The following LRP1B variants were observed in gnomAD, a reference collection of about 807,000 sequenced individuals.
LRP1B encodes the protein low-density lipoprotein receptor-related protein 1B.
In LRP1B, 217 loss-of-function variants were observed where a neutral mutation model predicts 556.6. The ratio of observed to expected loss-of-function variants is 0.39; its 90% CI spans 0.35 to 0.44. The LOEUF is 0.44. LRP1B is among the 20% of genes least tolerant of loss of function. The pLI is 1.00. For synonymous variants in LRP1B, 2,047 were observed against 1,865.8 expected (o/e 1.10, Z -2.50); for missense variants, 5,053 against 5,620.8 (o/e 0.90, Z 3.23).
intron 6 of LRP1B, among the ~76,000 whole-genome samples, chr2:141,200,793 G>C (rs1035510576): frequency 6.6e-6 from 1 of 152,086 alleles, no homozygotes; most frequent in African/African-American, 2.4e-5. Flanking sequence ...TCCTATATGT[G>C]TAATTCACTG....
In LRP1B at chr2:140,509,408, C is replaced by A. The variant is rs534724582; in HGVS notation, c.8398+520G>T. On this transcript the variant is annotated intron_variant, in intron 52 of 90. Transcript: ENST00000389484. ...GTAAATTGTCTGACCTCCGAAGGTG[C>A]TCCTCTGATCCCTCAGCTTCATTCG... 3.3e-5 allele frequency among the ~76,000 whole-genome samples: 5 copies of A among 152,242 alleles called. No individual in the cohort carries two copies. The South Asian group carries it at 1.0e-3, about 32-fold the overall frequency.
chr2:141,747,280 T>C (rs969502268), intron 2 of LRP1B, among the ~76,000 whole-genome samples: 4 of 152,204 alleles, frequency 2.6e-5, no homozygotes, highest in African/African-American at 9.6e-5. Flanking sequence ...TACACTGAAA[T>C]GTTAAAACCG....
chr2:141,484,552 G>A (rs1683048714), intron 2 of LRP1B, among the ~76,000 whole-genome samples: 2 of 152,048 alleles, frequency 1.3e-5, no homozygotes, highest in Admixed American at 6.6e-5. Context: ...ATTACCTTGG[G>A]CAGTATGGCC....
chr2:140,293,147 G>A (rs1008641667), intron 84 of LRP1B, among the ~76,000 whole-genome samples: 1 of 152,142 alleles, frequency 6.6e-6, no homozygotes, highest in Non-Finnish European at 1.5e-5. Flanking sequence ...AGAACAAGCA[G>A]GTTTTCACTT....
intron 27 of LRP1B, among the ~76,000 whole-genome samples, chr2:140,862,954 G>A (rs1392666414): frequency 6.6e-6 from 1 of 152,138 alleles, no homozygotes; most frequent in Non-Finnish European, 1.5e-5. Flanking sequence ...TGGTTCCTGG[G>A]CCTGTGAACT....
chr2:140,406,245 G>A (rs1046496473), intron 66 of LRP1B, among the ~76,000 whole-genome samples: 12 of 152,026 alleles, frequency 7.9e-5, no homozygotes, highest in African/African-American at 2.7e-4. Context: ...ATGTTGAATG[G>A]GGAAAAGTTG....
chr2:141,285,338 C>T (rs1173285563), intron 3 of LRP1B, among the ~76,000 whole-genome samples: 5 of 151,812 alleles, frequency 3.3e-5, no homozygotes, highest in Non-Finnish European at 5.9e-5. Context: ...CCACCCGCCT[C>T]GGCCTCCCAA....
intron 2 of LRP1B, among the ~76,000 whole-genome samples, chr2:141,713,898 T>G (rs369085006): frequency 2.0e-5 from 3 of 152,142 alleles, no homozygotes; most frequent in South Asian, 2.1e-4. Flanking sequence ...TTTCCCATCT[T>G]AGCATCATAA....
intron 84 of LRP1B, among the ~76,000 whole-genome samples, chr2:140,297,010 A>G (rs1409485749): frequency 6.6e-6 from 1 of 152,170 alleles, no homozygotes; most frequent in Non-Finnish European, 1.5e-5. Flanking sequence ...CTTGGCAGAC[A>G]GGAAAATAGT....
rs138437671 is a variant in LRP1B, at chr2:140,446,959, T to C, written c.10058-2280A>G. On this transcript the variant is annotated intron_variant, in intron 63 of 90. Transcript: ENST00000389484. ...GTTAAAATCCAAAATATATAAAGAA[T>C]ATTCAATAGTAAGAAAAAAAAACTC... Among the ~76,000 whole-genome samples, 288 of 146,412 alleles carry C rather than the reference T, an allele frequency of 2.0e-3. 2 individuals carry two copies. The highest frequency in any genetic ancestry group is 6.9e-3 in the Middle Eastern group (2 of 290).
intron 43 of LRP1B, among the ~76,000 whole-genome samples, chr2:140,555,815 T>A (rs555592500): frequency 6.6e-6 from 1 of 152,262 alleles, no homozygotes; most frequent in South Asian, 2.1e-4. Flanking sequence ...GAGAAATCTT[T>A]GTGTTCCAAT....
At position 140,789,618 on chromosome 2, in the gene LRP1B, C is replaced by CTT. The variant is rs756120273; in HGVS notation, c.5360-13382_5360-13381dup. ...GCCAAGCACGATCTAGCTTTAAGGA[C>CTT]TTTTTTTTTTTTTTTTTTTTTTTTT... On this transcript the variant is annotated intron_variant, in intron 32 of 90. Transcript: ENST00000389484. Among the ~76,000 whole-genome samples, 223 of 71,762 alleles carry CTT rather than the reference C, an allele frequency of 3.1e-3. 28 individuals are homozygous for CTT. The highest frequency in any genetic ancestry group is 5.4e-3 in the African/African-American group (88 of 16,386). 47.1% of individuals were successfully genotyped at this position (71,762 alleles called of 152,430 possible).
chr2:141,795,627 A>G (rs1026230886), intron 2 of LRP1B, among the ~76,000 whole-genome samples: 14 of 151,926 alleles, frequency 9.2e-5, no homozygotes, highest in African/African-American at 3.4e-4. Context: ...CAAATTGGAA[A>G]GAACAGAAAA....
chr2:140,765,833 T>G (rs1689083650), intron 35 of LRP1B, among the ~76,000 whole-genome samples: 2 of 152,120 alleles, frequency 1.3e-5, no homozygotes, highest in South Asian at 4.1e-4. Flanking sequence ...TTATGATACT[T>G]GTACTTTGCC....
intron 7 of LRP1B, among the ~76,000 whole-genome samples, chr2:141,153,093 G>A (rs1404240227): frequency 6.8e-6 from 1 of 148,104 alleles, no homozygotes; most frequent in African/African-American, 2.5e-5. Context: ...CAATTTAAAT[G>A]GTGGCAAAAG....
intron 2 of LRP1B, among the ~76,000 whole-genome samples, chr2:141,685,230 A>G (rs149522335): frequency 6.6e-6 from 1 of 152,186 alleles, no homozygotes; most frequent in Middle Eastern, 3.4e-3. Flanking sequence ...TCATCAGTCT[A>G]CAGATGGAGC....
intron 32 of LRP1B, among the ~76,000 whole-genome samples, chr2:140,804,039 A>G (rs1690622176): frequency 6.6e-6 from 1 of 151,124 alleles, no homozygotes; most frequent in South Asian, 2.1e-4. Flanking sequence ...GCTGCTTTTT[A>G]CATTCAGGGG....
At chr2:140,906,622 T>A (rs1277027793) in intron 22 of LRP1B, among the ~76,000 whole-genome samples, 1 of 152,074 alleles carries the variant, frequency 6.6e-6, no homozygotes, top group Non-Finnish European at 1.5e-5. Flanking sequence ...CCTAAAGACT[T>A]AATTGAAGAA....
chr2:141,753,463 C>A (rs1694203106), intron 2 of LRP1B, among the ~76,000 whole-genome samples: 1 of 151,696 alleles, frequency 6.6e-6, no homozygotes. Flanking sequence ...ACGCTGTCCA[C>A]TCCCGAGGGT....
Sources: allele counts gnomAD v4.1 joint callset (sites outside exome capture counted in the v4.1 genomes callset), GRCh38; gene constraint gnomAD v4.1.1; transcripts MANE v1.5; gene names NCBI Gene and HGNC (gene_info 2026-07-23, HGNC 2026-07-21).